NRG1: variants seen among roughly 807,000 people sequenced by gnomAD.
NRG1 encodes the protein neuregulin 1.
A neutral mutation model predicts 63.8 loss-of-function variants in NRG1; 18 were observed. The observed-to-expected ratio is 0.28, with a 90% CI of 0.19 to 0.42. The LOEUF (loss-of-function observed/expected upper bound fraction) is 0.42, where lower values mean the gene tolerates loss of function less well. Ranked by LOEUF, NRG1 falls within the 10% of genes least tolerant of loss-of-function variation. The pLI, the probability that NRG1 is intolerant of heterozygous loss-of-function variation, is 1.00. For missense variants in NRG1, 762 were observed against 814.7 expected (o/e 0.94, Z 0.79); for synonymous variants, 302 against 301.3 (o/e 1.00, Z -0.02).
Position 32,067,508 on chromosome 8 carries a change from T to G in NRG1, c.37+428077T>G, listed in dbSNP as rs554452678. Among the ~76,000 whole-genome samples, 44 of 152,310 alleles carry G rather than the reference T, an allele frequency of 2.9e-4. 1 individual carries two copies. The South Asian group carries it at 9.1e-3, about 32-fold the overall frequency. ...GATTACATTTATTGATTTTTGTATGTTGAACCAGCCTTGCATCCCAGGGAT... is the reference window on the plus strand; with the variant it reads ...GATTACATTTATTGATTTTTGTATGGTGAACCAGCCTTGCATCCCAGGGAT... On this transcript the variant is annotated intron_variant, in intron 1 of 10. Coordinates refer to the NRG1 transcript ENST00000519301.
At chr8:32,134,886 G>C (rs2128079) in intron 1 of NRG1, among the ~76,000 whole-genome samples, 3,747 of 152,038 alleles carry the variant, frequency 0.025, 166 homozygotes, top group African/African-American at 0.086. Flanking sequence ...TGTCTCTAAA[G>C]AAACAAACAA....
intron 1 of NRG1, among the ~76,000 whole-genome samples, chr8:32,427,856 T>C (rs1028256685): frequency 6.6e-6 from 1 of 152,206 alleles, no homozygotes; most frequent in Non-Finnish European, 1.5e-5. Context: ...AAATACAATA[T>C]GAACAGGGGC....
chr8:32,688,267 C>T (rs1444512713), intron 5 of NRG1, among the ~76,000 whole-genome samples: 2 of 152,148 alleles, frequency 1.3e-5, no homozygotes, highest in Admixed American at 6.6e-5. Context: ...GCTCTTTATA[C>T]TTTTCATGGC....
At chr8:32,512,257 T>G (rs1829307371) in intron 1 of NRG1, among the ~76,000 whole-genome samples, 1 of 152,216 alleles carries the variant, frequency 6.6e-6, no homozygotes, top group Non-Finnish European at 1.5e-5. Flanking sequence ...TAAAAATTAT[T>G]TGAATTACTT....
rs1252717809 is a variant in NRG1 at position 32,069,655 on chromosome 8, G to A, written c.37+430224G>A. 4.6e-5 allele frequency among the ~76,000 whole-genome samples: 7 copies of A among 152,062 alleles called. No homozygotes were observed. In the East Asian group the frequency reaches 9.7e-4, roughly 21 times the overall value. On this transcript the variant is annotated intron_variant, in intron 1 of 10. Transcript: ENST00000519301. Reference sequence around the variant, plus strand: ...GGACCTTTTTGGAAGACTGCACCTCGGGGTAAGGATGCTTGTGACCCTGAG... The same window carrying A: ...GGACCTTTTTGGAAGACTGCACCTCAGGGTAAGGATGCTTGTGACCCTGAG...
intron 5 of NRG1, among the ~76,000 whole-genome samples, chr8:32,618,869 T>G (rs1847836619): frequency 1.3e-5 from 2 of 152,156 alleles, no homozygotes; most frequent in African/African-American, 4.8e-5. Flanking sequence ...ATTAAATTGT[T>G]GATATTTGGA....
At chr8:32,060,899 T>A (rs928485438) in intron 1 of NRG1, among the ~76,000 whole-genome samples, 1 of 151,880 alleles carries the variant, frequency 6.6e-6, no homozygotes, top group Non-Finnish European at 1.5e-5. Flanking sequence ...TAAAATTGAG[T>A]CAAAAAGTGT....
intron 1 of NRG1, among the ~76,000 whole-genome samples, chr8:32,334,380 C>T (rs117956319): frequency 0.011 from 1,703 of 152,252 alleles, 9 homozygotes; most frequent in Non-Finnish European, 0.016. Flanking sequence ...GCCACTTCCA[C>T]GGGAAAGGAG....
At chr8:31,884,441 G>C (rs1830571440) in intron 1 of NRG1, among the ~76,000 whole-genome samples, 4 of 152,096 alleles carry the variant, frequency 2.6e-5, no homozygotes, top group Admixed American at 2.6e-4. Flanking sequence ...CATGCAGCCT[G>C]ATCTCAGAGT....
intron 1 of NRG1, among the ~76,000 whole-genome samples, chr8:32,354,142 G>A (rs959618766): frequency 6.6e-6 from 1 of 152,178 alleles, no homozygotes; most frequent in Non-Finnish European, 1.5e-5. Context: ...GCTGAGGTGG[G>A]CAGATCACCT....
chr8:31,795,819 T>G (rs965457268), intron 1 of NRG1, among the ~76,000 whole-genome samples: 2 of 152,198 alleles, frequency 1.3e-5, no homozygotes, highest in Non-Finnish European at 2.9e-5. Context: ...CTTTTGATTT[T>G]TCTGGGATTT....
intron 1 of NRG1, among the ~76,000 whole-genome samples, chr8:32,287,952 C>A (rs2129473792): frequency 6.6e-6 from 1 of 152,228 alleles, no homozygotes; most frequent in Non-Finnish European, 1.5e-5. Flanking sequence ...TACTCTCTCA[C>A]TATATATATA....
chr8:32,146,863 A>C (rs1205619523), intron 1 of NRG1, among the ~76,000 whole-genome samples: 2 of 152,080 alleles, frequency 1.3e-5, no homozygotes, highest in Non-Finnish European at 1.5e-5. Context: ...GATAGTTTTA[A>C]TTTCTCCAAA....
At chr8:32,318,974 C>T (rs1235087706) in intron 1 of NRG1, among the ~76,000 whole-genome samples, 2 of 152,140 alleles carry the variant, frequency 1.3e-5, no homozygotes, top group Admixed American at 6.6e-5. Flanking sequence ...ACACCTTCAT[C>T]ACTTGAGGCC....
At position 32,098,712 on chromosome 8, in the gene NRG1, A is replaced by G. The variant is rs1463048332; in HGVS notation, c.37+459281A>G. On this transcript the variant is annotated intron_variant, in intron 1 of 10. Transcript: ENST00000519301. ...ACCAGTGTAACCATCCCAAATTTGC[A>G]TCTTGTCTGATGCTAACTGAGGAAG... 3.9e-5 allele frequency: 6 copies of G among 152,096 alleles called. No individual in the cohort carries two copies. The East Asian group carries it at 5.8e-4, about 15-fold the overall frequency. The allele number at this position is 152,096 out of a possible 1,614,324, so 9.4% of individuals were successfully genotyped here. A position where few individuals can be genotyped will look rare whatever the true frequency, so the allele number is the denominator to read the frequency against.
chr8:31,667,657 G>A (rs1585525431), intron 1 of NRG1, among the ~76,000 whole-genome samples: 1 of 152,154 alleles, frequency 6.6e-6, no homozygotes, highest in African/African-American at 2.4e-5. Context: ...CCCCAGAAAG[G>A]GTTGGGAGTC....
chr8:32,642,454 G>T (rs556639975), intron 5 of NRG1, among the ~76,000 whole-genome samples: 3 of 152,302 alleles, frequency 2.0e-5, no homozygotes, highest in Admixed American at 6.5e-5. Context: ...AAAATGGGAA[G>T]GGCTTCGTCA....
intron 5 of NRG1, among the ~76,000 whole-genome samples, chr8:32,724,654 C>T (rs1194822674): frequency 1.3e-5 from 2 of 152,176 alleles, no homozygotes; most frequent in Admixed American, 6.5e-5. Flanking sequence ...CCGACAATTA[C>T]AACTTATTCC....
chr8:32,226,293 A>G (rs1846312938), intron 1 of NRG1, among the ~76,000 whole-genome samples: 1 of 152,144 alleles, frequency 6.6e-6, no homozygotes, highest in Admixed American at 6.6e-5. Context: ...ACATTTTCAA[A>G]CTTAGAACAT....
Sources: allele counts gnomAD v4.1 joint callset (sites outside exome capture counted in the v4.1 genomes callset), GRCh38; gene constraint gnomAD v4.1.1; transcripts MANE v1.5; gene names NCBI Gene and HGNC (gene_info 2026-07-23, HGNC 2026-07-21).